The following GRM8 variants were observed in gnomAD, a reference collection of about 807,000 sequenced individuals.
GRM8 encodes metabotropic glutamate receptor 8.
GRM8 carries 47 observed loss-of-function variants against 87.2 expected under a neutral mutation model. The observed-to-expected ratio is 0.54, with a 90% CI of 0.43 to 0.69. GRM8 has a LOEUF of 0.69. Among genes scored for constraint, GRM8 ranks in the 30% least tolerant of loss-of-function variants. The pLI, the probability that GRM8 is intolerant of heterozygous loss-of-function variation, is 0.00. For synonymous variants in GRM8, 396 were observed against 404.5 expected (o/e 0.98, Z 0.25); for missense variants, 1,019 against 1,139.2 (o/e 0.89, Z 1.52).
chr7:126,824,223 G>A (rs1794553369), intron 6 of GRM8, among the ~76,000 whole-genome samples: 1 of 152,122 alleles, frequency 6.6e-6, no homozygotes, highest in South Asian at 2.1e-4. Flanking sequence ...ATGTTCTCCA[G>A]TGGCAGACAG....
At chr7:127,161,927 A>C (rs1358942563) in intron 2 of GRM8, among the ~76,000 whole-genome samples, 1 of 152,144 alleles carries the variant, frequency 6.6e-6, no homozygotes, top group East Asian at 1.9e-4. Context: ...AGAGAAAAAA[A>C]ATTATCAGGT....
At chr7:126,929,608 A>G (rs1188002606) in intron 3 of GRM8, among the ~76,000 whole-genome samples, 2 of 151,804 alleles carry the variant, frequency 1.3e-5, no homozygotes, top group East Asian at 3.9e-4. Context: ...TAATTTTTAT[A>G]TTTTTAGTAG....
chr7:127,124,592 A>G (rs188703737), intron 2 of GRM8, among the ~76,000 whole-genome samples: 74 of 152,300 alleles, frequency 4.9e-4, no homozygotes, highest in Non-Finnish European at 8.1e-4. Context: ...CACTGTCAGT[A>G]TAACTACAAT....
chr7:127,033,868 T>C (rs913960853), intron 3 of GRM8, among the ~76,000 whole-genome samples: 3 of 152,240 alleles, frequency 2.0e-5, no homozygotes, highest in South Asian at 2.1e-4. Context: ...ACATTGCTTT[T>C]AATCTATTCA....
At chr7:126,979,853 C>T (rs1414450313) in intron 3 of GRM8, among the ~76,000 whole-genome samples, 1 of 152,206 alleles carries the variant, frequency 6.6e-6, no homozygotes, top group African/African-American at 2.4e-5. Context: ...TGCTTCTGGC[C>T]CCTGGCAAAG....
At chr7:127,201,455 A>C (rs768779460) in intron 2 of GRM8, among the ~76,000 whole-genome samples, 2 of 152,200 alleles carry the variant, frequency 1.3e-5, no homozygotes, top group Non-Finnish European at 2.9e-5. Flanking sequence ...CCTTCTTCCT[A>C]ACAAGTCTTT....
intron 6 of GRM8, among the ~76,000 whole-genome samples, chr7:126,791,151 T>A (rs977244519): frequency 6.6e-6 from 1 of 152,042 alleles, no homozygotes; most frequent in African/African-American, 2.4e-5. Flanking sequence ...ATACATGCAG[T>A]TATTACACCA....
intron 9 of GRM8, among the ~76,000 whole-genome samples, chr7:126,477,266 A>G (rs1194526900): frequency 6.6e-6 from 1 of 152,088 alleles, no homozygotes; most frequent in African/African-American, 2.4e-5. Flanking sequence ...AATGTTGGTC[A>G]AAGCATACAA....
chr7:126,652,116 C>G (rs1424338789), intron 7 of GRM8, among the ~76,000 whole-genome samples: 1 of 152,138 alleles, frequency 6.6e-6, no homozygotes, highest in Non-Finnish European at 1.5e-5. Flanking sequence ...ATGTATACAC[C>G]TGTACTAAGG....
At chr7:126,898,736 C>T (rs1018884143) in intron 6 of GRM8, among the ~76,000 whole-genome samples, 8 of 152,182 alleles carry the variant, frequency 5.3e-5, no homozygotes, top group African/African-American at 1.9e-4. Flanking sequence ...AAAGGAACAG[C>T]TACATACCTC....
Position 126,563,288 on chromosome 7 carries a change from G to GT in GRM8, c.1495-29402dup, listed in dbSNP as rs1554401055. ...TATCAAAACTTCTACTTGCCCTGTGGTTTTTTTTTAAAAAAAAAACATATT... is the reference window on the plus strand; with the variant it reads ...TATCAAAACTTCTACTTGCCCTGTGGTTTTTTTTTTAAAAAAAAAACATATT... On this transcript the variant is annotated intron_variant, in intron 8 of 10. Transcript: ENST00000339582. Among the ~76,000 whole-genome samples the GT allele has an allele frequency of 8.1e-3, 1,092 of 134,078 alleles. 9 individuals are homozygous for GT. Among genetic ancestry groups the GT allele is most frequent in the African/African-American group, 0.027 (1,018 of 38,232 alleles). 88.0% of individuals were successfully genotyped at this position (134,078 alleles called of 152,430 possible).
At chr7:127,236,392 TCA>T (rs1797982498) in intron 2 of GRM8, among the ~76,000 whole-genome samples, 1 of 152,178 alleles carries the variant, frequency 6.6e-6, no homozygotes, top group African/African-American at 2.4e-5. Flanking sequence ...TTTAATTGAC[TCA>T]CAGTTCAGCA....
intron 8 of GRM8, among the ~76,000 whole-genome samples, chr7:126,590,840 C>T (rs1461265663): frequency 6.6e-6 from 1 of 152,134 alleles, no homozygotes; most frequent in Non-Finnish European, 1.5e-5. Context: ...TATACCACTA[C>T]CAAGCCAGCA....
intron 9 of GRM8, among the ~76,000 whole-genome samples, chr7:126,455,959 G>A (rs1229366385): frequency 1.3e-5 from 2 of 151,068 alleles, no homozygotes; most frequent in African/African-American, 4.9e-5. Flanking sequence ...GGAAGACTGT[G>A]GAATTAAAAT....
At chr7:127,056,657 C>G (rs1304651945) in intron 3 of GRM8, among the ~76,000 whole-genome samples, 2 of 152,172 alleles carry the variant, frequency 1.3e-5, no homozygotes, top group African/African-American at 2.4e-5. Context: ...AAACAATATC[C>G]TGTAATCAAG....
intron 6 of GRM8, among the ~76,000 whole-genome samples, chr7:126,804,604 T>C (rs62470212): frequency 0.077 from 11,750 of 152,262 alleles, 547 homozygotes; most frequent in Middle Eastern, 0.11. Context: ...CTAGTTATAA[T>C]TCCACTTCAA....
intron 3 of GRM8, chr7:127,080,625 G>T (rs551730802): frequency 1.3e-5 from 2 of 149,878 alleles, no homozygotes; most frequent in South Asian, 4.2e-4. Flanking sequence ...TCCCCTGGAA[G>T]TCTCTGGAGG....
intron 3 of GRM8, among the ~76,000 whole-genome samples, chr7:127,057,754 T>C (rs1221250516): frequency 6.6e-6 from 1 of 152,038 alleles, no homozygotes; most frequent in Non-Finnish European, 1.5e-5. Context: ...AAAGATTATA[T>C]TTTCTAAATC....
At chr7:127,088,274 A>G (rs994059461) in intron 3 of GRM8, among the ~76,000 whole-genome samples, 2 of 152,170 alleles carry the variant, frequency 1.3e-5, no homozygotes, top group Non-Finnish European at 2.9e-5. Context: ...TCTGCCACAG[A>G]TAACTAATGT....
Sources: allele counts gnomAD v4.1 joint callset (sites outside exome capture counted in the v4.1 genomes callset), GRCh38; gene constraint gnomAD v4.1.1; transcripts MANE v1.5; gene names NCBI Gene and HGNC (gene_info 2026-07-23, HGNC 2026-07-21).